XRN1: variants seen among roughly 807,000 people sequenced by gnomAD.
XRN1 encodes 5'-3' exoribonuclease 1, also known as strand-exchange protein 1 homolog.
A neutral mutation model predicts 222.3 loss-of-function variants in XRN1; 67 were observed. That is an observed-to-expected ratio of 0.30 (90% CI 0.25 to 0.37). The LOEUF is 0.37. Among genes scored for constraint, XRN1 ranks in the 10% least tolerant of loss-of-function variants. The pLI is 1.00. For synonymous variants in XRN1, 643 were observed against 652.4 expected (o/e 0.99, Z 0.22); for missense variants, 1,707 against 2,000.2 (o/e 0.85, Z 2.80).
rs576163334 is a variant in XRN1 at position 142,435,932 on chromosome 3, C to T, written c.76-3039G>A. The T allele has an allele frequency of 4.8e-3, 720 of 151,474 alleles. 5 individuals are homozygous for T. The highest frequency in any genetic ancestry group is 6.1e-3 in the South Asian group (29 of 4,786). 9.4% of individuals were successfully genotyped at this position (151,474 alleles called of 1,614,324 possible). On this transcript the variant is annotated intron_variant, in intron 1 of 40. Coordinates refer to ENST00000392981, the MANE Select transcript of XRN1 (RefSeq NM_001282857.2). Reference sequence around the variant, plus strand: ...AAAATTAGCTGGGCGTGGTGGTGGGCGCCTGTAGTCCCAGCTACCTGGGAG... The same window carrying T: ...AAAATTAGCTGGGCGTGGTGGTGGGTGCCTGTAGTCCCAGCTACCTGGGAG...
intron 33 of XRN1, among the ~76,000 whole-genome samples, chr3:142,341,205 C>T (rs891226588): frequency 1.3e-5 from 2 of 152,000 alleles, no homozygotes; most frequent in African/African-American, 4.8e-5. Context: ...TTTATGCAAG[C>T]AGTGTTGTTA....
In XRN1 at chr3:142,418,708, T is replaced by C. The variant is rs926521657; in HGVS notation, c.1241-99A>G. 8.3e-6 allele frequency: 12 copies of C among 1,443,582 alleles called. No individual in the cohort carries two copies. The Admixed American group carries it at 1.5e-4, about 18-fold the overall frequency. 89.4% of individuals were successfully genotyped at this position (1,443,582 alleles called of 1,614,324 possible). ...ATGCATATCCAAGTTGATGCTTATATGCTATCACAGAAATCTGTTCCACCC... is the reference window on the plus strand; with the variant it reads ...ATGCATATCCAAGTTGATGCTTATACGCTATCACAGAAATCTGTTCCACCC... On this transcript the variant is annotated intron_variant, in intron 11 of 40. Coordinates refer to ENST00000392981, the MANE Select transcript of XRN1 (RefSeq NM_001282857.2).
intron 35 of XRN1, chr3:142,332,757 A>G: frequency 1.3e-6 from 1 of 771,502 alleles, no homozygotes; most frequent in Non-Finnish European, 1.9e-6. Context: ...GTTACCTAGT[A>G]GCAATGTTTG....
intron 39 of XRN1, among the ~76,000 whole-genome samples, chr3:142,317,344 T>C (rs550355823): frequency 6.6e-6 from 1 of 152,332 alleles, no homozygotes; most frequent in Admixed American, 6.5e-5. Flanking sequence ...GTCTCTGTTC[T>C]TTCTTATTTT....
chr3:142,363,194 A>G (rs562490895), intron 29 of XRN1, among the ~76,000 whole-genome samples: 4 of 150,702 alleles, frequency 2.7e-5, no homozygotes, highest in Non-Finnish European at 5.9e-5. Flanking sequence ...TCTTCAATTC[A>G]TTTTGAGCTA....
intron 20 of XRN1, 109 bp from the exon 21 acceptor site, chr3:142,384,794 T>C (rs2067433249): frequency 1.2e-6 from 1 of 859,032 alleles, no homozygotes; most frequent in Non-Finnish European, 1.7e-6. Flanking sequence ...AGTGTGTAAA[T>C]AAACTTTAAA....
chr3:142,384,785 G>C (rs2067432636), intron 20 of XRN1, 100 bp from the exon 21 acceptor site: 4 of 926,536 alleles, frequency 4.3e-6, no homozygotes. Flanking sequence ...TCATAATCAA[G>C]TGTGTAAATA....
intron 37 of XRN1, among the ~76,000 whole-genome samples, chr3:142,325,883 T>G (rs2065500468): frequency 6.6e-6 from 1 of 152,194 alleles, no homozygotes; most frequent in South Asian, 2.1e-4. Flanking sequence ...CCCTTAAATA[T>G]GGATATCTAG....
chr3:142,444,973 C>G (rs527441440), intron 1 of XRN1, among the ~76,000 whole-genome samples: 10 of 152,172 alleles, frequency 6.6e-5, no homozygotes, highest in Non-Finnish European at 1.5e-4. Flanking sequence ...TAAATTAATT[C>G]ACTCAAAAAA....
chr3:142,349,959 A>G (rs2066259306), intron 32 of XRN1, among the ~76,000 whole-genome samples: 1 of 152,196 alleles, frequency 6.6e-6, no homozygotes, highest in African/African-American at 2.4e-5. Flanking sequence ...ATTTGTAGTG[A>G]GAGAAAAAAT....
Position 142,338,754 on chromosome 3 carries a change from G to T in XRN1, c.3878-3245C>A, listed in dbSNP as rs564082864. ...TGAAGGGTGAGTCCCAGGCCAGGCA[G>T]CATTTATCACAAGCTGACTGAAGAA... On this transcript the variant is annotated intron_variant, in intron 33 of 40. Transcript: ENST00000392981. 1.8e-3 allele frequency among the ~76,000 whole-genome samples: 277 copies of T among 152,198 alleles called. 1 individual carries two copies. The highest frequency in any genetic ancestry group is 6.1e-3 in the African/African-American group (253 of 41,526).
At chr3:142,369,603 A>C (rs1192995761) in intron 27 of XRN1, among the ~76,000 whole-genome samples, 7 of 145,494 alleles carry the variant, frequency 4.8e-5, no homozygotes, top group East Asian at 4.2e-4. Context: ...AGCCGAGATC[A>C]TGCCACTTCA....
intron 37 of XRN1, among the ~76,000 whole-genome samples, chr3:142,319,122 C>T (rs753604240): frequency 2.0e-5 from 3 of 152,170 alleles, no homozygotes; most frequent in Admixed American, 6.5e-5. Context: ...AGGGTCAATC[C>T]ACCTAATGCA....
intron 29 of XRN1, among the ~76,000 whole-genome samples, 171 bp downstream of exon 29, chr3:142,364,876 A>AC (rs144537386): frequency 6.6e-6 from 1 of 150,752 alleles, no homozygotes; most frequent in Non-Finnish European, 1.5e-5. Context: ...AACAGAAGAG[A>AC]TTTTTTTTTC....
At chr3:142,445,405 C>T (rs181582819) in intron 1 of XRN1, among the ~76,000 whole-genome samples, 3 of 152,106 alleles carry the variant, frequency 2.0e-5, no homozygotes, top group Admixed American at 2.0e-4. Context: ...TACTCTGTCC[C>T]TTTTTCTCGT....
chr3:142,411,029 AGAC>A (rs1214460570), intron 15 of XRN1, among the ~76,000 whole-genome samples: 1 of 152,210 alleles, frequency 6.6e-6, no homozygotes, highest in African/African-American at 2.4e-5. Context: ...AATACACAAA[AGAC>A]TATTCAGATT....
chr3:142,432,095 AT>A (rs2069626920), intron 2 of XRN1, among the ~76,000 whole-genome samples: 2 of 114,254 alleles, frequency 1.8e-5, no homozygotes, highest in South Asian at 4.6e-4. Context: ...CATATAAAAT[AT>A]ATACATTATA....
At chr3:142,355,279 T>C (rs1443102148) in intron 32 of XRN1, 122 bp downstream of exon 32, 9 of 501,740 alleles carry the variant, frequency 1.8e-5, no homozygotes, top group Non-Finnish European at 2.3e-5. Flanking sequence ...AAATTCATGA[T>C]CAAAATTGTC....
At chr3:142,444,671 C>T (rs146827751) in intron 1 of XRN1, among the ~76,000 whole-genome samples, 273 of 152,014 alleles carry the variant, frequency 1.8e-3, no homozygotes, top group African/African-American at 6.2e-3. Context: ...AACAGGGTGA[C>T]GATAGGCAAT....
Sources: gnomAD v4.1 joint callset for allele counts (sites outside exome capture counted in the v4.1 genomes callset) on GRCh38, gnomAD v4.1.1 for gene constraint, MANE v1.5 for transcripts, NCBI Gene and HGNC (gene_info 2026-07-23, HGNC 2026-07-21) for gene names.